Variants in PCDH15 observed in about 807,000 individuals in gnomAD.
PCDH15 encodes protocadherin related 15, also known as protocadherin-15.
PCDH15 carries 129 observed loss-of-function variants against 178.5 expected under a neutral mutation model. The observed-to-expected ratio is 0.72, with a 90% CI of 0.63 to 0.84. The LOEUF (loss-of-function observed/expected upper bound fraction) is 0.84. Ranked by LOEUF, PCDH15 falls within the 40% of genes least tolerant of loss-of-function variation. The pLI is 0.00. For synonymous variants in PCDH15, 800 were observed against 732.0 expected, an observed-to-expected ratio of 1.09 and a Z score of -1.50; for missense variants, 2,230 against 2,099.9, an observed-to-expected ratio of 1.06 and a Z score of -1.21.
intron 25 of PCDH15, among the ~76,000 whole-genome samples, chr10:53,903,686 T>C (rs1186489040): frequency 6.6e-6 from 1 of 152,112 alleles, no homozygotes; most frequent in Non-Finnish European, 1.5e-5. Flanking sequence ...TCACAAACAC[T>C]TCACACACAA....
At chr10:54,648,435 G>C (rs567588979) in intron 2 of PCDH15, among the ~76,000 whole-genome samples, 4 of 152,066 alleles carry the variant, frequency 2.6e-5, no homozygotes, top group Non-Finnish European at 5.9e-5. Flanking sequence ...AACAAAATCC[G>C]CAAAGATGAG....
chr10:55,094,181 G>A (rs866732383), intron 2 of PCDH15, among the ~76,000 whole-genome samples: 2 of 152,092 alleles, frequency 1.3e-5, no homozygotes, highest in East Asian at 1.9e-4. Context: ...AGAACATGTG[G>A]CACATATACA....
At chr10:55,518,517 C>A (rs1841074871) in intron 2 of PCDH15, among the ~76,000 whole-genome samples, 1 of 151,930 alleles carries the variant, frequency 6.6e-6, no homozygotes, top group African/African-American at 2.4e-5. Context: ...ACAGATAAGA[C>A]AGCTGGGGCA....
chr10:55,392,128 C>G (rs551106991), intron 2 of PCDH15, among the ~76,000 whole-genome samples: 1 of 152,092 alleles, frequency 6.6e-6, no homozygotes, highest in Non-Finnish European at 1.5e-5. Context: ...GGTGCCCCAA[C>G]ACAAATGAAA....
intron 1 of PCDH15, among the ~76,000 whole-genome samples, chr10:55,316,498 T>C (rs1843725537): frequency 6.6e-6 from 1 of 152,142 alleles, no homozygotes; most frequent in Non-Finnish European, 1.5e-5. Context: ...ATTAATAATA[T>C]TTATAAAATT....
chr10:54,161,537 T>G (rs1245649102), intron 13 of PCDH15, among the ~76,000 whole-genome samples: 1 of 152,032 alleles, frequency 6.6e-6, no homozygotes, highest in Non-Finnish European at 1.5e-5. Context: ...CCCAACTCTT[T>G]CATGGAACTG....
At chr10:54,825,614 C>T (rs931544923) in intron 3 of PCDH15, among the ~76,000 whole-genome samples, 8 of 150,598 alleles carry the variant, frequency 5.3e-5, no homozygotes, top group Non-Finnish European at 1.0e-4. Flanking sequence ...TTGCATTTCT[C>T]TGATGGCCAG....
chr10:53,930,230 G>A (rs61493360), intron 25 of PCDH15, among the ~76,000 whole-genome samples: 3,390 of 151,704 alleles, frequency 0.022, 132 homozygotes, highest in African/African-American at 0.077. Context: ...AGGCCGAGGC[G>A]GGCAGATCAC....
At chr10:53,979,971 C>A (rs2090488624) in intron 21 of PCDH15, among the ~76,000 whole-genome samples, 1 of 152,180 alleles carries the variant, frequency 6.6e-6, no homozygotes, top group Non-Finnish European at 1.5e-5. Flanking sequence ...GTAATCCCAG[C>A]ACTTCGGGAG....
intron 1 of PCDH15, among the ~76,000 whole-genome samples, chr10:55,215,451 T>A (rs1453872420): frequency 6.6e-6 from 1 of 152,100 alleles, no homozygotes; most frequent in Non-Finnish European, 1.5e-5. Context: ...CAATTCTACA[T>A]AAATTATTTT....
At chr10:55,062,064 T>C (rs889935831) in intron 2 of PCDH15, among the ~76,000 whole-genome samples, 1 of 152,088 alleles carries the variant, frequency 6.6e-6, no homozygotes, top group African/African-American at 2.4e-5. Flanking sequence ...AAAAAGAAAT[T>C]AGCTACTAAG....
At chr10:53,999,052 C>CAAAAAA (rs33951115) in intron 20 of PCDH15, among the ~76,000 whole-genome samples, 1 of 92,508 alleles carries the variant, frequency 1.1e-5, no homozygotes. Flanking sequence ...TACTCAGTCT[C>CAAAAAA]AAAAAAAAAA....
At chr10:55,010,811 G>T (rs1019795592) in intron 2 of PCDH15, among the ~76,000 whole-genome samples, 1 of 148,698 alleles carries the variant, frequency 6.7e-6, no homozygotes, top group African/African-American at 2.5e-5. Context: ...AAAAAAAAAG[G>T]TATTTATATC....
At chr10:54,113,659 C>T (rs188428856) in intron 15 of PCDH15, among the ~76,000 whole-genome samples, 5 of 151,938 alleles carry the variant, frequency 3.3e-5, no homozygotes, top group African/African-American at 7.3e-5. Context: ...CACACACACA[C>T]GCACATCTTA....
chr10:54,964,211 C>T (rs1838725281), intron 2 of PCDH15, among the ~76,000 whole-genome samples: 1 of 152,130 alleles, frequency 6.6e-6, no homozygotes, highest in South Asian at 2.1e-4. Context: ...AGTTTTAAGG[C>T]TGGCTGAGTC....
At chr10:55,393,109 G>GATC (rs1326177552) in intron 2 of PCDH15, among the ~76,000 whole-genome samples, 1 of 151,798 alleles carries the variant, frequency 6.6e-6, no homozygotes, top group African/African-American at 2.4e-5. Flanking sequence ...TTCTTAGCAT[G>GATC]ATCATCATGT....
intron 5 of PCDH15, among the ~76,000 whole-genome samples, chr10:54,363,016 GC>G (rs1312585719): frequency 6.6e-6 from 1 of 151,922 alleles, no homozygotes; most frequent in African/African-American, 2.4e-5. Context: ...GCAAACTCTT[GC>G]TTTCTATCTC....
intron 20 of PCDH15, among the ~76,000 whole-genome samples, chr10:54,004,395 C>T (rs1048731201): frequency 9.8e-5 from 6 of 61,244 alleles, no homozygotes; most frequent in Non-Finnish European, 1.6e-4. Flanking sequence ...AACCTAAAGA[C>T]TACACACACA....
intron 3 of PCDH15, among the ~76,000 whole-genome samples, chr10:54,880,441 A>T (rs1353010333): frequency 6.6e-6 from 1 of 152,046 alleles, no homozygotes; most frequent in Non-Finnish European, 1.5e-5. Flanking sequence ...TACAGCAAAT[A>T]CCATTCCTGA....
Sources: allele counts gnomAD v4.1 joint callset (sites outside exome capture counted in the v4.1 genomes callset), GRCh38; gene constraint gnomAD v4.1.1; transcripts MANE v1.5; gene names NCBI Gene and HGNC (gene_info 2026-07-23, HGNC 2026-07-21).